Variants in REPS2 observed in about 807,000 individuals in gnomAD.
REPS2 encodes the protein RALBP1 associated Eps domain containing 2.
A neutral mutation model predicts 53.6 loss-of-function variants in REPS2; 23 were observed. That is an observed-to-expected ratio of 0.43 (90% CI 0.31 to 0.61). The LOEUF (loss-of-function observed/expected upper bound fraction) is 0.61, where lower values mean the gene tolerates loss of function less well. REPS2 is among the 20% of genes least tolerant of loss of function. The probability of loss-of-function intolerance (pLI) is 0.11; values close to 1 mark genes in which losing one functional copy is unlikely to be tolerated. For missense variants in REPS2, 446 were observed against 534.9 expected, an observed-to-expected ratio of 0.83 and a Z score of 1.64; for synonymous variants, 238 against 218.6, an observed-to-expected ratio of 1.09 and a Z score of -0.78.
intron 13 of REPS2, 53 bp downstream of exon 13, chrX:17,077,460 A>G: frequency 8.9e-7 from 1 of 1,120,452 alleles, no homozygotes; most frequent in Admixed American, 2.8e-5. Context: ...GAGCCAGCGG[A>G]TGTGTGTCTG....
intron 2 of REPS2, among the ~76,000 whole-genome samples, chrX:17,011,612 T>C (rs964014041): frequency 6.2e-5 from 7 of 112,300 alleles, no homozygotes; most frequent in African/African-American, 1.9e-4. Context: ...TAAATTGTTA[T>C]ATAACAACAT....
At chrX:17,021,353 T>G (rs1366277221) in intron 2 of REPS2, among the ~76,000 whole-genome samples, 1 of 112,789 alleles carries the variant, frequency 8.9e-6, no homozygotes, top group Non-Finnish European at 1.9e-5. Flanking sequence ...GCTTTTCAAC[T>G]CTTTGTAGCA....
intron 9 of REPS2, among the ~76,000 whole-genome samples, chrX:17,067,967 A>G (rs1363651659): frequency 1.8e-5 from 2 of 112,080 alleles, no homozygotes; most frequent in East Asian, 5.6e-4. Flanking sequence ...ATAAGGTAGT[A>G]TTAAATGCAG....
chrX:17,176,600 C>G, the REPS2 span, among the ~76,000 whole-genome samples: 2 of 112,366 alleles, frequency 1.8e-5, no homozygotes, highest in African/African-American at 3.2e-5. Context: ...TTGATCTTAC[C>G]CACACCCTCT....
At chrX:17,170,238 C>T in the REPS2 span, among the ~76,000 whole-genome samples, 3 of 111,919 alleles carry the variant, frequency 2.7e-5, no homozygotes, top group African/African-American at 9.8e-5. Context: ...CAAAATGGCT[C>T]CTCCAGCGTT....
chrX:17,099,688 A>T (rs1393363550), intron 13 of REPS2: 3 of 446,569 alleles, frequency 6.7e-6, no homozygotes, highest in Non-Finnish European at 1.2e-5. Flanking sequence ...TTCTCAAGCT[A>T]CCTCTATGGT....
chrX:17,030,525 A>G (rs992761960), intron 5 of REPS2, among the ~76,000 whole-genome samples: 19 of 111,719 alleles, frequency 1.7e-4, no homozygotes, highest in African/African-American at 6.2e-4. Context: ...AATAGGATAA[A>G]CAAAGTCTAA....
the REPS2 span, among the ~76,000 whole-genome samples, chrX:17,170,182 C>T: frequency 8.9e-6 from 1 of 112,555 alleles, no homozygotes; most frequent in African/African-American, 3.2e-5. Flanking sequence ...TTGTACACCT[C>T]AGAGCAGTGA....
chrX:17,052,567 G>A, intron 7 of REPS2, 122 bp downstream of exon 7: 1 of 428,440 alleles, frequency 2.3e-6, no homozygotes, highest in Non-Finnish European at 3.9e-6. Context: ...CTACAGGAGT[G>A]AATACAACTC....
At position 17,009,342 on chromosome X, in the gene REPS2, A is replaced by G. The variant is rs889913670; in HGVS notation, c.397+2998A>G. On this transcript the variant is annotated intron_variant, in intron 2 of 17. Coordinates refer to ENST00000357277, the MANE Select transcript of REPS2 (RefSeq NM_004726.3). Reference sequence around the variant, plus strand: ...CCCTACTAATCCTACTAATTTTTGTATTTTTTGTAGAGATGGGGTTTTGCC... The same window carrying G: ...CCCTACTAATCCTACTAATTTTTGTGTTTTTTGTAGAGATGGGGTTTTGCC... 1.6e-4 allele frequency among the ~76,000 whole-genome samples: 18 copies of G among 110,658 alleles called. No individual in the cohort carries two copies. In the Admixed American group the frequency reaches 1.6e-3, roughly 10 times the overall value.
chrX:17,120,037 C>T (rs4623601), intron 14 of REPS2, among the ~76,000 whole-genome samples: 2 of 110,242 alleles, frequency 1.8e-5, no homozygotes, highest in Non-Finnish European at 3.8e-5. Context: ...CCACCACGTC[C>T]GGCTAATTTT....
chrX:17,006,154 T>G (rs1336582836), intron 1 of REPS2, 67 bp from the exon 2 acceptor site: 12 of 1,151,782 alleles, frequency 1.0e-5, no homozygotes, highest in Non-Finnish European at 1.3e-5. Context: ...TATTTCATCA[T>G]GTACCTTGTC....
intron 14 of REPS2, among the ~76,000 whole-genome samples, chrX:17,129,030 C>T (rs2063257101): frequency 8.9e-6 from 1 of 111,800 alleles, no homozygotes; most frequent in South Asian, 3.8e-4. Flanking sequence ...ATCCATATAT[C>T]TGTTTTTTTC....
At chrX:17,093,202 T>TATAA (rs56940345) in intron 13 of REPS2, among the ~76,000 whole-genome samples, 61 of 13,140 alleles carry the variant, frequency 4.6e-3, no homozygotes, top group East Asian at 7.1e-3. Context: ...ATATATATAA[T>TATAA]TTTTTTTTTG....
At chrX:17,095,010 C>CT (rs2062677323) in intron 13 of REPS2, among the ~76,000 whole-genome samples, 1 of 111,873 alleles carries the variant, frequency 8.9e-6, no homozygotes, top group Non-Finnish European at 1.9e-5. Context: ...AAGGTCTAGT[C>CT]TGTTTCTTTG....
intron 14 of REPS2, among the ~76,000 whole-genome samples, chrX:17,124,189 C>G (rs1376885614): frequency 8.9e-6 from 1 of 112,086 alleles, no homozygotes; most frequent in African/African-American, 3.2e-5. Flanking sequence ...TCTGTGGGTG[C>G]AGTTACCAAG....
chrX:17,006,108 G>A lies in REPS2; in HGVS notation c.274-113G>A, dbSNP rs2061360085. The A allele has an allele frequency of 3.5e-6, 3 of 845,586 alleles. No individual in the cohort carries two copies. The Admixed American group carries it at 7.7e-5, about 22-fold the overall frequency. 69.7% of individuals were successfully genotyped at this position (845,586 alleles called of 1,213,427 possible). A position where few individuals can be genotyped will look rare whatever the true frequency, so the allele number is the denominator to read the frequency against. ...CAGTGGGCACACAGAGGTTCTCAAG[G>A]GACTTTTTTGGTTAGCCACTAGGTG... On this transcript the variant is annotated intron_variant, in intron 1 of 17. Coordinates refer to ENST00000357277, the MANE Select transcript of REPS2 (RefSeq NM_004726.3).
chrX:16,972,602 G>A (rs2060908093), intron 1 of REPS2, among the ~76,000 whole-genome samples: 2 of 111,571 alleles, frequency 1.8e-5, no homozygotes, highest in African/African-American at 3.3e-5. Flanking sequence ...CCTTCTTCCT[G>A]TAGTCACTCT....
chrX:17,048,828 C>T (rs2061942194), intron 6 of REPS2, among the ~76,000 whole-genome samples: 1 of 112,790 alleles, frequency 8.9e-6, no homozygotes, highest in Non-Finnish European at 1.9e-5. Flanking sequence ...TGATTATGTA[C>T]AGTATATAAT....
Sources: allele counts gnomAD v4.1 joint callset (sites outside exome capture counted in the v4.1 genomes callset), GRCh38; gene constraint gnomAD v4.1.1; transcripts MANE v1.5; gene names NCBI Gene and HGNC (gene_info 2026-07-23, HGNC 2026-07-21).